Variants in CENPP observed in about 807,000 individuals in gnomAD.
CENPP encodes centromere protein P.
A neutral mutation model predicts 35.6 loss-of-function variants in CENPP; 24 were observed. That is an observed-to-expected ratio of 0.67 (90% CI 0.49 to 0.95). The LOEUF is 0.95. Among genes scored for constraint, CENPP ranks in the 40% least tolerant of loss-of-function variants. CENPP has a pLI of 0.00. For synonymous variants in CENPP, 120 were observed against 125.5 expected, an observed-to-expected ratio of 0.96 and a Z score of 0.29; for missense variants, 332 against 345.3, an observed-to-expected ratio of 0.96 and a Z score of 0.31.
At chr9:92,542,777 G>T (rs565127353) in intron 5 of CENPP, among the ~76,000 whole-genome samples, 2 of 152,270 alleles carry the variant, frequency 1.3e-5, no homozygotes, top group East Asian at 1.9e-4. Context: ...CTCCCAAAGC[G>T]CTGGGATTAC....
chr9:92,529,354 G>A (rs1364510908), intron 5 of CENPP, among the ~76,000 whole-genome samples: 2 of 152,164 alleles, frequency 1.3e-5, no homozygotes, highest in African/African-American at 4.8e-5. Flanking sequence ...TTCGGTGCTG[G>A]TGGGAATGCA....
intron 5 of CENPP, among the ~76,000 whole-genome samples, chr9:92,432,090 T>A (rs1429034692): frequency 6.6e-6 from 1 of 152,112 alleles, no homozygotes; most frequent in Non-Finnish European, 1.5e-5. Context: ...TTTGGGAAGC[T>A]GAGGCGGTTG....
At chr9:92,412,973 A>AG (rs1843486049) in intron 5 of CENPP, among the ~76,000 whole-genome samples, 1 of 129,266 alleles carries the variant, frequency 7.7e-6, no homozygotes, top group Non-Finnish European at 1.6e-5. Flanking sequence ...TATGTAACTA[A>AG]GCTTTTTTTT....
At chr9:92,367,890 GCAGGCGTGAGA>G (rs1222546615) in intron 4 of CENPP, among the ~76,000 whole-genome samples, 1 of 152,140 alleles carries the variant, frequency 6.6e-6, no homozygotes, top group African/African-American at 2.4e-5. Context: ...CACTGGGATT[GCAGGCGTGAGA>G]CAGCGCACCT....
chr9:92,388,547 C>CG (rs1842531400), intron 5 of CENPP, among the ~76,000 whole-genome samples: 1 of 138,462 alleles, frequency 7.2e-6, no homozygotes, highest in Admixed American at 7.3e-5. Context: ...AACTTTAAAA[C>CG]AAAAAAAAAA....
In CENPP at chr9:92,415,539, A is replaced by G. The variant is rs551179123; in HGVS notation, c.564+35680A>G. ...AGTATAATCCATAGTTATAGCCATA[A>G]TTCTATGTTAGATTTTATATTGTAT... On this transcript the variant is annotated intron_variant, in intron 5 of 7. Transcript: ENST00000375587. 163 of 891,944 alleles carry G rather than the reference A, an allele frequency of 1.8e-4. 2 individuals are homozygous for G. The South Asian group carries it at 4.0e-3, about 22-fold the overall frequency. 55.3% of individuals were successfully genotyped at this position (891,944 alleles called of 1,614,324 possible).
chr9:92,456,859 C>A (rs147100147), intron 5 of CENPP: 1 of 688,796 alleles, frequency 1.5e-6, no homozygotes, highest in Non-Finnish European at 1.8e-6. Flanking sequence ...GTGTAATGCA[C>A]TCTTCACATT....
At chr9:92,522,167 A>G (rs1848111269) in intron 5 of CENPP, among the ~76,000 whole-genome samples, 2 of 151,752 alleles carry the variant, frequency 1.3e-5, no homozygotes. Flanking sequence ...GCTCACTGCA[A>G]CCTCCACCTC....
intron 5 of CENPP, among the ~76,000 whole-genome samples, chr9:92,543,367 G>A (rs933823285): frequency 8.0e-5 from 12 of 150,066 alleles, no homozygotes; most frequent in African/African-American, 2.7e-4. Flanking sequence ...CAGCTACTCA[G>A]GAGGCTGAGG....
At position 92,534,479 on chromosome 9, in the gene CENPP, T is replaced by TA. The variant is rs1849048340; in HGVS notation, c.565-76834dup. ...CATACAAACCTTTCTTCAGCGTATA[T>TA]ATACATTAATTGCCACAGTCATTTG... is the stretch of plus-strand genomic sequence containing the variant. On this transcript the variant is annotated intron_variant, in intron 5 of 7. Transcript: ENST00000375587. Among the ~76,000 whole-genome samples, 3 of 152,218 alleles carry TA rather than the reference T, an allele frequency of 2.0e-5. No homozygotes were observed. The South Asian group carries it at 6.2e-4, about 31-fold the overall frequency.
chr9:92,447,777 A>AG (rs1424379237), intron 5 of CENPP, among the ~76,000 whole-genome samples: 1 of 152,220 alleles, frequency 6.6e-6, no homozygotes, highest in African/African-American at 2.4e-5. Flanking sequence ...AGATGCAGGA[A>AG]GGTTAGAAAT....
At chr9:92,460,353 T>C (rs1417079343) in intron 5 of CENPP, 2 of 600,124 alleles carry the variant, frequency 3.3e-6, no homozygotes, top group Non-Finnish European at 5.8e-6. Flanking sequence ...TCTTTCTAGT[T>C]TTCCCTTCAC....
At chr9:92,586,363 C>T (rs1016051009) in intron 5 of CENPP, among the ~76,000 whole-genome samples, 1 of 152,216 alleles carries the variant, frequency 6.6e-6, no homozygotes, top group East Asian at 1.9e-4. Flanking sequence ...GATTTAAAGT[C>T]ATGTACTACC....
Position 92,616,022 on chromosome 9 carries a change from G to A in CENPP, c.*2873G>A. 2.5e-6 allele frequency: 4 copies of A among 1,614,124 alleles called. No homozygotes were observed. Among genetic ancestry groups the A allele is most frequent in the Non-Finnish European group, 3.4e-6 (4 of 1,180,032 alleles). The stretch of plus-strand genomic sequence containing the variant: ...CACAGACACGGAAAAGGCAAACCTG[G>A]ACCTCGATGAAGGGACGACAGGCCT... On this transcript the variant is annotated 3_prime_UTR_variant, in exon 8 of 8. Coordinates refer to ENST00000375587, the MANE Select transcript of CENPP (RefSeq NM_001012267.3).
intron 5 of CENPP, among the ~76,000 whole-genome samples, chr9:92,518,577 CATACT>C (rs1398003091): frequency 3.9e-5 from 6 of 152,300 alleles, no homozygotes; most frequent in African/African-American, 1.2e-4. Context: ...ATATGATTCA[CATACT>C]ATAATATTCA....
At chr9:92,562,049 A>G (rs1237047812) in intron 5 of CENPP, among the ~76,000 whole-genome samples, 2 of 152,210 alleles carry the variant, frequency 1.3e-5, no homozygotes, top group Non-Finnish European at 2.9e-5. Flanking sequence ...GAAGCCTTTA[A>G]GACAAAAACT....
At chr9:92,349,495 C>T (rs1279074036) in intron 4 of CENPP, among the ~76,000 whole-genome samples, 3 of 151,706 alleles carry the variant, frequency 2.0e-5, no homozygotes, top group Non-Finnish European at 4.4e-5. Context: ...CCTCTGACTC[C>T]CTGGTTCAAG....
chr9:92,378,741 T>G (rs1842179080), intron 4 of CENPP, among the ~76,000 whole-genome samples: 1 of 152,208 alleles, frequency 6.6e-6, no homozygotes, highest in South Asian at 2.1e-4. Context: ...TTAACATAGA[T>G]GTACTATTAA....
intron 5 of CENPP, among the ~76,000 whole-genome samples, chr9:92,450,107 T>C (rs1844663852): frequency 6.6e-6 from 1 of 151,986 alleles, no homozygotes; most frequent in South Asian, 2.1e-4. Context: ...TTATTATTAT[T>C]ATTATACTTT....
Sources: allele counts gnomAD v4.1 joint callset (sites outside exome capture counted in the v4.1 genomes callset), GRCh38; gene constraint gnomAD v4.1.1; transcripts MANE v1.5; gene names NCBI Gene and HGNC (gene_info 2026-07-23, HGNC 2026-07-21).